The following FCHO1 variants were observed in gnomAD, a reference collection of about 807,000 sequenced individuals.
The protein encoded by FCHO1 is FCH and mu domain containing endocytic adaptor 1, also known as F-BAR domain only protein 1.
FCHO1 carries 45 observed loss-of-function variants against 114.4 expected under a neutral mutation model. The observed-to-expected ratio is 0.39, with a 90% CI of 0.31 to 0.50. FCHO1 has a LOEUF of 0.50. Among genes scored for constraint, FCHO1 ranks in the 20% least tolerant of loss-of-function variants. The pLI, the probability that FCHO1 is intolerant of heterozygous loss-of-function variation, is 0.77. For synonymous variants in FCHO1, 480 were observed against 488.9 expected (o/e 0.98, Z 0.24); for missense variants, 1,042 against 1,209.6 (o/e 0.86, Z 2.06).
upstream of FCHO1, among the ~76,000 whole-genome samples, chr19:17,749,035 C>CT (rs1166543475): frequency 1.4e-4 from 22 of 152,244 alleles, no homozygotes; most frequent in Non-Finnish European, 1.5e-5. Flanking sequence ...GGGAGTAAAA[C>CT]ATAGGACCAA....
At chr19:17,781,655 G>T in intron 22 of FCHO1, 57 bp from the exon 23 acceptor site, 1 of 1,545,320 alleles carries the variant, frequency 6.5e-7, no homozygotes, top group Admixed American at 1.7e-5. Context: ...CTCGAGCCTG[G>T]AGCCTATATT....
intron 12 of FCHO1, 36 bp from the exon 13 acceptor site, chr19:17,774,358 C>G: frequency 6.2e-7 from 1 of 1,612,362 alleles, no homozygotes; most frequent in Non-Finnish European, 8.5e-7. Flanking sequence ...TGAAAGGAGG[C>G]TCACAGTGCT....
rs770101357 is a variant in FCHO1, at chr19:17,784,828, G to C, written c.2330G>C (p.Gly777Ala). Residue 777 changes from glycine to alanine, a missense_variant, in exon 26 of 29, where the codon GGT (glycine) becomes GCT (alanine). Gly to Ala is a moderately conservative substitution (Grantham distance 60). This residue lies in a region of FCHO1 where 137 missense variants were observed against 190.0 expected (regional missense o/e 0.72). Coordinates refer to ENST00000596536, the MANE Select transcript of FCHO1 (RefSeq NM_015122.3). This position sits in a 1 kb window ranked among gnomAD's most constrained non-coding sequence, Gnocchi z 5.3. ...QVSVEYGYRP[G>A]ATAVPTPLTN... ...TCAGTGGAGTACGGCTACCGGCCCG[G>C]TGCCACGGCTGTGCCCACACCACTC... The C allele has an allele frequency of 3.5e-5, 56 of 1,613,898 alleles. No homozygotes were observed. The highest frequency in any genetic ancestry group is 2.8e-5 in the Non-Finnish European group (33 of 1,180,040).
At chr19:17,750,050 G>T (rs929888707), upstream of FCHO1, among the ~76,000 whole-genome samples, 30 of 152,170 alleles carry the variant, frequency 2.0e-4, no homozygotes, top group African/African-American at 7.0e-4. Flanking sequence ...GGGAGCTCGG[G>T]TCTTGCCTTT....
chr19:17,758,105 TTGAGGAGGC>T (rs2084480597), intron 4 of FCHO1, among the ~76,000 whole-genome samples: 1 of 150,858 alleles, frequency 6.6e-6, no homozygotes, highest in Non-Finnish European at 1.5e-5. Context: ...GTCCCAGCTA[TTGAGGAGGC>T]TGAGGCAGGA....
rs986163370 is a variant in FCHO1 at position 17,775,772 on chromosome 19, CAGTT to C, written c.1004-206_1004-203del. On this transcript the variant is annotated intron_variant, in intron 15 of 28. Coordinates refer to ENST00000596536, the MANE Select transcript of FCHO1 (RefSeq NM_015122.3). The surrounding 1 kb of genome is among the most constrained non-coding windows in gnomAD (Gnocchi z 5.1). The stretch of plus-strand genomic sequence containing the variant: ...GTTTTGCAGCCGAATAGGAGTTTGC[CAGTT>C]AGTTCTGGGCATGCTTGTGCAAAGG... Among the ~76,000 whole-genome samples, 21 of 147,274 alleles carry C rather than the reference CAGTT, an allele frequency of 1.4e-4. No individual in the cohort carries two copies. The highest frequency in any genetic ancestry group is 6.0e-4 in the East Asian group (3 of 4,982).
chr19:17,773,800 C>A (rs1486935212), intron 11 of FCHO1, among the ~76,000 whole-genome samples: 2 of 152,066 alleles, frequency 1.3e-5, no homozygotes, highest in African/African-American at 4.8e-5. Flanking sequence ...ACCTGATGGA[C>A]CTTGAGTTCA....
Position 17,784,265 on chromosome 19 carries a change from G to A in FCHO1, c.2226+30G>A, listed in dbSNP as rs773229519. On this transcript the variant is annotated intron_variant, in intron 25 of 28. Transcript: ENST00000596536. This position sits in a 1 kb window ranked among gnomAD's most constrained non-coding sequence, Gnocchi z 5.3. ...GCCACCCGCATGGGGCCGGGAGGAGGTGGTGGAGTGGGGGACACGGTGAGC... is the reference window on the plus strand; with the variant it reads ...GCCACCCGCATGGGGCCGGGAGGAGATGGTGGAGTGGGGGACACGGTGAGC... 1 of 1,570,218 alleles carries A rather than the reference G, an allele frequency of 6.4e-7. No homozygotes were observed. Among genetic ancestry groups the A allele is most frequent in the South Asian group, 1.1e-5 (1 of 86,996 alleles).
Position 17,784,973 on chromosome 19 carries a change from C to G in FCHO1, c.2426+49C>G. Reference sequence around the variant, plus strand: ...GAAAACTCAGCAGTTTCCCCCATAACCCCAGACCTTCTCCCTGATGCATTG... The same window carrying G: ...GAAAACTCAGCAGTTTCCCCCATAAGCCCAGACCTTCTCCCTGATGCATTG... On this transcript the variant is annotated intron_variant, in intron 26 of 28. Coordinates refer to ENST00000596536, the MANE Select transcript of FCHO1 (RefSeq NM_015122.3). The surrounding 1 kb of genome is among the most constrained non-coding windows in gnomAD (Gnocchi z 5.3). The G allele has an allele frequency of 6.4e-7, 1 of 1,569,224 alleles. No individual in the cohort carries two copies. The highest frequency in any genetic ancestry group is 8.7e-7 in the Non-Finnish European group (1 of 1,152,852).
Position 17,776,340 on chromosome 19 carries a change from T to A in FCHO1, c.1207+69T>A, listed in dbSNP as rs1381834388. On this transcript the variant is annotated intron_variant, in intron 17 of 28. Transcript: ENST00000596536. This position sits in a 1 kb window ranked among gnomAD's most constrained non-coding sequence, Gnocchi z 4.4. ...GGGAGGCTATGGGTTTGGGCTTGAA[T>A]CATAACTCCGTTTTGTAACTTTGGG... The A allele has an allele frequency of 2.5e-6, 4 of 1,595,210 alleles. No individual in the cohort carries two copies. Among genetic ancestry groups the A allele is most frequent in the Non-Finnish European group, 3.4e-6 (4 of 1,162,998 alleles).
At chr19:17,757,570 G>A (rs923003848) in intron 4 of FCHO1, among the ~76,000 whole-genome samples, 12 of 152,186 alleles carry the variant, frequency 7.9e-5, no homozygotes, top group South Asian at 2.1e-4. Context: ...GACCCTGTAC[G>A]TATAAGGAGA....
chr19:17,778,396 G>A, intron 19 of FCHO1, 168 bp downstream of exon 19: 1 of 750,092 alleles, frequency 1.3e-6, no homozygotes, highest in Admixed American at 2.5e-5. Flanking sequence ...CATAGATAGG[G>A]TGGGGCCTTG....
At chr19:17,782,900 T>A in intron 23 of FCHO1, 117 bp from the exon 24 acceptor site, 1 of 1,133,504 alleles carries the variant, frequency 8.8e-7, no homozygotes, top group Non-Finnish European at 1.2e-6. Context: ...ATCAGGGCCA[T>A]CCTCCTAGAT....
chr19:17,783,271 C>CT (rs1278965275), intron 24 of FCHO1, 99 bp downstream of exon 24: 30,433 of 671,540 alleles, frequency 0.045, 5 homozygotes, highest in South Asian at 0.051. Context: ...TTTTTCTTTT[C>CT]TTTTTTTTTT....
At position 17,775,065 on chromosome 19, in the gene FCHO1, G is replaced by C. The variant is rs1348322538; in HGVS notation, c.930G>C (p.Leu310=). The C allele has an allele frequency of 6.2e-7, 1 of 1,613,304 alleles. No individual in the cohort carries two copies. Among genetic ancestry groups the C allele is most frequent in the Non-Finnish European group, 8.5e-7 (1 of 1,179,720 alleles). The change falls in exon 14 of 29, where the codon CTG becomes CTC. Residue 310 remains leucine (L), a synonymous_variant. Transcript: ENST00000596536. This position sits in a 1 kb window ranked among gnomAD's most constrained non-coding sequence, Gnocchi z 5.1. Reference sequence around the variant, plus strand: ...CTTCCTCCATCCCCAGAGATTTCCTGGAGCCCGATTCAGGGGTGAGTGATG... The same window carrying C: ...CTTCCTCCATCCCCAGAGATTTCCTCGAGCCCGATTCAGGGGTGAGTGATG... ...EPEPPAAVDF[L]EPDSGTCPEV...
In FCHO1 at chr19:17,778,168, G is replaced by A; in HGVS notation, c.1291G>A (p.Val431Met). ...AGAGAGATTGCAGTCAGAGGAGCAG[G>A]TGTCCAAGAACCTCTTTGGGCCGCC... ...CAERLQSEEQVSKNLFGPPLE... is the reference protein window; with the variant it reads ...CAERLQSEEQMSKNLFGPPLE... The change falls in exon 19 of 29, where the codon GTG becomes ATG. Residue 431 changes from valine (V) to methionine (M), a missense_variant. Physicochemically the swap from Val to Met is conservative, Grantham distance 21. This residue lies in a region of FCHO1 where 455 missense variants were observed against 455.4 expected (regional missense o/e 1.00). Coordinates refer to ENST00000596536, the MANE Select transcript of FCHO1 (RefSeq NM_015122.3). 6.2e-7 allele frequency: 1 copy of A among 1,614,022 alleles called. No individual in the cohort carries two copies. Among genetic ancestry groups the A allele is most frequent in the Non-Finnish European group, 8.5e-7 (1 of 1,179,988 alleles).
At chr19:17,763,766 T>A (rs1178305588) in intron 5 of FCHO1, among the ~76,000 whole-genome samples, 1 of 151,780 alleles carries the variant, frequency 6.6e-6, no homozygotes, top group African/African-American at 2.4e-5. Flanking sequence ...TCTCATTATA[T>A]TGCCCAGGGT....
intron 11 of FCHO1, among the ~76,000 whole-genome samples, chr19:17,773,299 G>A (rs865862347): frequency 2.0e-5 from 3 of 152,232 alleles, no homozygotes; most frequent in African/African-American, 7.2e-5. Context: ...AAGTGAGGAT[G>A]TAATAATGTT....
intron 6 of FCHO1, 40 bp downstream of exon 6, chr19:17,764,489 G>A: frequency 6.5e-7 from 1 of 1,539,732 alleles, no homozygotes. Flanking sequence ...GACATTGGGA[G>A]CCTCCTCCTT....
Sources: allele counts gnomAD v4.1 joint callset (sites outside exome capture counted in the v4.1 genomes callset), GRCh38; gene constraint gnomAD v4.1.1; regional missense constraint gnomAD v4.1.1; non-coding constraint Gnocchi (gnomAD v3.1); transcripts MANE v1.5; gene names NCBI Gene and HGNC (gene_info 2026-07-23, HGNC 2026-07-21).